The following SMAD3 variants were observed in gnomAD, a reference collection of about 807,000 sequenced individuals.
The protein encoded by SMAD3 is MAD homolog 3.
A neutral mutation model predicts 51.8 loss-of-function variants in SMAD3; 12 were observed. The observed-to-expected ratio is 0.23, with a 90% CI of 0.15 to 0.38. The LOEUF (loss-of-function observed/expected upper bound fraction) is 0.38, where lower values mean the gene tolerates loss of function less well. SMAD3 is among the 10% of genes least tolerant of loss of function. The pLI is 1.00. For missense variants in SMAD3, 294 were observed against 565.6 expected, an observed-to-expected ratio of 0.52 and a Z score of 4.87; for synonymous variants, 238 against 227.7, an observed-to-expected ratio of 1.05 and a Z score of -0.41.
rs1421204393 is a variant in SMAD3, at chr15:67,192,670, AG to A, written c.*2135del. On this transcript the variant is annotated 3_prime_UTR_variant, in exon 9 of 9. Transcript: ENST00000327367. ...CCTATGAGGGCTTCCTGTGGCACAC[AG>A]CCCTCTGGGTGCTTGGGAACTAGCT... is the stretch of plus-strand genomic sequence containing the variant. The A allele has an allele frequency of 4.3e-6, 1 of 233,120 alleles. No individual in the cohort carries two copies. Among genetic ancestry groups the A allele is most frequent in the Non-Finnish European group, 8.5e-6 (1 of 117,976 alleles). 14.4% of individuals were successfully genotyped at this position (233,120 alleles called of 1,614,324 possible). A position where few individuals can be genotyped will look rare whatever the true frequency, so the allele number is the denominator to read the frequency against.
intron 1 of SMAD3, among the ~76,000 whole-genome samples, chr15:67,120,335 T>A (rs984508543): frequency 6.6e-6 from 1 of 152,154 alleles, no homozygotes; most frequent in African/African-American, 2.4e-5. Context: ...GACCTGGAGT[T>A]GGGGAGGGGT....
intron 4 of SMAD3, among the ~76,000 whole-genome samples, chr15:67,168,890 C>T (rs1962666303): frequency 1.3e-5 from 2 of 152,144 alleles, no homozygotes; most frequent in Admixed American, 1.3e-4. Context: ...TTCCCTGCCC[C>T]CCAGGGTGTG....
chr15:67,117,148 T>C (rs192700761), intron 1 of SMAD3, among the ~76,000 whole-genome samples: 2 of 152,240 alleles, frequency 1.3e-5, no homozygotes, highest in East Asian at 1.9e-4. Context: ...GGCTGGCGTG[T>C]TTCGTGGAGT....
At chr15:67,129,103 C>T (rs150671597) in intron 1 of SMAD3, among the ~76,000 whole-genome samples, 1 of 152,282 alleles carries the variant, frequency 6.6e-6, no homozygotes, top group African/African-American at 2.4e-5. Context: ...CACTCCTGTC[C>T]CCCTACCTCT....
chr15:67,083,540 A>G (rs552589742), intron 1 of SMAD3, among the ~76,000 whole-genome samples: 11 of 152,308 alleles, frequency 7.2e-5, no homozygotes, highest in South Asian at 4.1e-4. Flanking sequence ...TTTAACTTCA[A>G]CGATGAGAAA....
intron 1 of SMAD3, among the ~76,000 whole-genome samples, chr15:67,101,377 G>A (rs1005355352): frequency 2.0e-5 from 3 of 152,138 alleles, no homozygotes; most frequent in Non-Finnish European, 2.9e-5. Context: ...TAATATTTAC[G>A]TATGGGAGTC....
At chr15:67,106,270 G>A (rs1306475145) in intron 1 of SMAD3, among the ~76,000 whole-genome samples, 3 of 152,294 alleles carry the variant, frequency 2.0e-5, no homozygotes, top group African/African-American at 7.2e-5. Flanking sequence ...GCTGCCTTGA[G>A]AATGAGGGTC....
chr15:67,184,105 T>TTA (rs1045965466), intron 6 of SMAD3, among the ~76,000 whole-genome samples: 9 of 150,780 alleles, frequency 6.0e-5, no homozygotes, highest in African/African-American at 2.2e-4. Flanking sequence ...CATTCCCTTT[T>TTA]TTTTTTTTTT....
At chr15:67,073,217 T>A (rs1008077980) in intron 1 of SMAD3, among the ~76,000 whole-genome samples, 5 of 152,242 alleles carry the variant, frequency 3.3e-5, no homozygotes, top group African/African-American at 1.2e-4. Flanking sequence ...CATAATCCTT[T>A]GTTTCGACTT....
chr15:67,076,481 G>A (rs937988860), intron 1 of SMAD3, among the ~76,000 whole-genome samples: 4 of 152,090 alleles, frequency 2.6e-5, no homozygotes, highest in African/African-American at 9.7e-5. Context: ...ATGCACTTCC[G>A]GCTCCCCCTC....
intron 1 of SMAD3, chr15:67,098,655 C>T (rs889559557): frequency 3.7e-6 from 2 of 543,592 alleles, no homozygotes; most frequent in African/African-American, 3.8e-5. Flanking sequence ...GCGTTTTTCT[C>T]CTGCCACAGT....
chr15:67,181,465 C>T lies in SMAD3; in HGVS notation c.871+12C>T. On this transcript the variant is annotated intron_variant, in intron 6 of 8. Coordinates refer to ENST00000327367, the MANE Select transcript of SMAD3 (RefSeq NM_005902.4). The stretch of plus-strand genomic sequence containing the variant: ...ACGGAGACACATCGGTATGGGGTGG[C>T]TCCATTCCCCGCCCCCCCACCCTGC... 1 of 1,593,200 alleles carries T rather than the reference C, an allele frequency of 6.3e-7. No individual in the cohort carries two copies. Among genetic ancestry groups the T allele is most frequent in the Non-Finnish European group, 8.5e-7 (1 of 1,171,150 alleles).
intron 1 of SMAD3, among the ~76,000 whole-genome samples, chr15:67,116,488 G>GT (rs1961138201): frequency 6.6e-6 from 1 of 152,124 alleles, no homozygotes; most frequent in Non-Finnish European, 1.5e-5. Flanking sequence ...ATCTCACGGG[G>GT]TGTGTGGACG....
intron 7 of SMAD3, chr15:67,186,541 C>T (rs994748920): frequency 1.3e-5 from 2 of 154,828 alleles, no homozygotes; most frequent in African/African-American, 2.4e-5. Context: ...TAAGCGTCAC[C>T]CCGGCTCACC....
rs145755056 is a variant in SMAD3 at position 67,111,225 on chromosome 15, A to T, written c.206+44865A>T. 2.5e-3 allele frequency among the ~76,000 whole-genome samples: 374 copies of T among 152,306 alleles called. 2 individuals are homozygous for T. Among genetic ancestry groups the T allele is most frequent in the African/African-American group, 8.5e-3 (352 of 41,556 alleles). On this transcript the variant is annotated intron_variant, in intron 1 of 8. Coordinates refer to ENST00000327367, the MANE Select transcript of SMAD3 (RefSeq NM_005902.4). ...TGGATTTGCCTCTTTTGGACATTTC[A>T]TGTAGATGAAATCATACAATTTGTG...
intron 5 of SMAD3, chr15:67,174,436 C>G (rs1199127548): frequency 6.6e-6 from 1 of 152,362 alleles, no homozygotes; most frequent in Non-Finnish European, 1.5e-5. Flanking sequence ...GATGGGGTCA[C>G]AGCAGCTCAG....
intron 1 of SMAD3, among the ~76,000 whole-genome samples, chr15:67,113,239 A>G (rs1961061928): frequency 1.0e-5 from 1 of 97,690 alleles, no homozygotes; most frequent in Non-Finnish European, 2.0e-5. Flanking sequence ...GGCGCCTGCC[A>G]CCACGCCCGG....
Position 67,193,758 on chromosome 15 carries a change from G to C in SMAD3, c.*3222G>C, listed in dbSNP as rs1963428659. ...AACCATCGTTAATATACTGAAGTGA[G>C]CTATAGCACATATCATGTGCTTAGT... On this transcript the variant is annotated 3_prime_UTR_variant, in exon 9 of 9. Transcript: ENST00000327367. 2 of 233,256 alleles carry C rather than the reference G, an allele frequency of 8.6e-6. No homozygotes were observed. Among genetic ancestry groups the C allele is most frequent in the East Asian group, 1.2e-4 (2 of 16,684 alleles). The allele number at this position is 233,256 out of a possible 1,614,324, so 14.4% of individuals were successfully genotyped here.
chr15:67,190,631 GGAA>G lies in SMAD3; in HGVS notation c.*102_*104del. 1 of 1,365,172 alleles carries G rather than the reference GGAA, an allele frequency of 7.3e-7. No individual in the cohort carries two copies. Among genetic ancestry groups the G allele is most frequent in the Non-Finnish European group, 1.0e-6 (1 of 967,932 alleles). 84.6% of individuals were successfully genotyped at this position (1,365,172 alleles called of 1,614,324 possible). On this transcript the variant is annotated 3_prime_UTR_variant, in exon 9 of 9. Coordinates refer to ENST00000327367, the MANE Select transcript of SMAD3 (RefSeq NM_005902.4). ...ACTCTACTCAACCCATTGTTGTCAA[GGAA>G]GAAGAAATCTTTCTCCCTCAACTGA...
Sources: gnomAD v4.1 joint callset for allele counts (sites outside exome capture counted in the v4.1 genomes callset) on GRCh38, gnomAD v4.1.1 for gene constraint, MANE v1.5 for transcripts, NCBI Gene and HGNC (gene_info 2026-07-23, HGNC 2026-07-21) for gene names.